The following FBXL2 variants were observed in gnomAD, a reference collection of about 807,000 sequenced individuals.
The protein encoded by FBXL2 is F-box/LRR-repeat protein 2.
Under a neutral mutation model 69.2 loss-of-function variants are expected in FBXL2, and 38 were observed. That is an observed-to-expected ratio of 0.55 (90% confidence interval 0.42 to 0.72). The LOEUF (loss-of-function observed/expected upper bound fraction) is 0.72. FBXL2 is among the 30% of genes least tolerant of loss of function. FBXL2 has a pLI of 0.00. For missense variants in FBXL2, 354 were observed against 520.3 expected, an observed-to-expected ratio of 0.68 and a Z score of 3.11; for synonymous variants, 192 against 201.3, an observed-to-expected ratio of 0.95 and a Z score of 0.39.
chr3:33,317,039 C>T (rs1575170112), intron 2 of FBXL2, among the ~76,000 whole-genome samples: 1 of 151,998 alleles, frequency 6.6e-6, no homozygotes, highest in South Asian at 2.1e-4. Flanking sequence ...GTAGATATGA[C>T]TACAGGTGCA....
chr3:33,365,050 C>T (rs531946980), intron 5 of FBXL2, among the ~76,000 whole-genome samples: 1 of 152,250 alleles, frequency 6.6e-6, no homozygotes, highest in Admixed American at 6.5e-5. Flanking sequence ...TTTTCTATTC[C>T]CTTCTTCACT....
chr3:33,338,837 A>G (rs910240264), intron 2 of FBXL2, among the ~76,000 whole-genome samples: 25 of 152,208 alleles, frequency 1.6e-4, no homozygotes, highest in Non-Finnish European at 2.5e-4. Flanking sequence ...AAGAAAACCT[A>G]GGAAATACCA....
intron 2 of FBXL2, among the ~76,000 whole-genome samples, chr3:33,349,456 C>T (rs1026860509): frequency 3.9e-5 from 6 of 152,136 alleles, no homozygotes; most frequent in African/African-American, 7.2e-5. Context: ...ATAACTCTCA[C>T]GTGTTCATGA....
the FBXL2 span, among the ~76,000 whole-genome samples, chr3:33,418,860 CAAAAAA>C: frequency 2.9e-4 from 22 of 76,770 alleles, no homozygotes; most frequent in African/African-American, 1.1e-3. Context: ...ACTCTGTCTC[CAAAAAA>C]AAAAAAAAAA....
chr3:33,418,294 C>A, the FBXL2 span, among the ~76,000 whole-genome samples: 244 of 152,136 alleles, frequency 1.6e-3, 7 homozygotes, highest in East Asian at 0.036. Context: ...CGTTCTGTCG[C>A]CCAGGCTGGA....
chr3:33,403,085 G>A, intron 12 of FBXL2: 9 of 568,546 alleles, frequency 1.6e-5, no homozygotes, highest in South Asian at 1.3e-4. Context: ...AGTTTTACCT[G>A]CTGTGTGCGT....
the FBXL2 span, among the ~76,000 whole-genome samples, chr3:33,413,009 G>A: frequency 1.3e-5 from 2 of 152,142 alleles, no homozygotes; most frequent in Non-Finnish European, 2.9e-5. Flanking sequence ...ATTATTTGGT[G>A]CAAAGAATTA....
downstream of FBXL2, among the ~76,000 whole-genome samples, chr3:33,404,226 C>G (rs1308397265): frequency 6.6e-6 from 1 of 152,178 alleles, no homozygotes; most frequent in Non-Finnish European, 1.5e-5. Flanking sequence ...TCCTGGCTAA[C>G]ATGGTGACAC....
At position 33,277,516 on chromosome 3, in the gene FBXL2, G is replaced by C; in HGVS notation, c.3+1G>C. 7.7e-7 allele frequency: 1 copy of C among 1,305,140 alleles called. No individual in the cohort carries two copies. 80.8% of individuals were successfully genotyped at this position (1,305,140 alleles called of 1,614,324 possible). Reference sequence around the variant, plus strand: ...GCTCGCTCGCGGCTCTTCGGCCATGGTGAGTCTGGGACCCGCGTCTGCCTA... The same window carrying C: ...GCTCGCTCGCGGCTCTTCGGCCATGCTGAGTCTGGGACCCGCGTCTGCCTA... On this transcript the variant is annotated splice_donor_variant, in intron 1 of 14. Coordinates refer to ENST00000484457, the MANE Select transcript of FBXL2 (RefSeq NM_012157.5). LOFTEE classifies it high-confidence loss of function.
Position 33,372,670 on chromosome 3 carries a change from T to A in FBXL2, c.291-422T>A, listed in dbSNP as rs151109808. 799 of 221,048 alleles carry A rather than the reference T, an allele frequency of 3.6e-3. 5 individuals carry two copies. The highest frequency in any genetic ancestry group is 5.2e-3 in the Non-Finnish European group (575 of 110,852). 13.7% of individuals were successfully genotyped at this position (221,048 alleles called of 1,614,324 possible). The stretch of plus-strand genomic sequence containing the variant: ...CCAGAAATGGTTTCTCTGGAAAGGC[T>A]CTAGGGTAAGCAAGTGACAGCATGG... On this transcript the variant is annotated intron_variant, in intron 5 of 14. Transcript: ENST00000484457.
At chr3:33,372,905 A>G (rs1479728184) in intron 5 of FBXL2, 187 bp from the exon 6 acceptor site, 1 of 628,046 alleles carries the variant, frequency 1.6e-6, no homozygotes, top group Non-Finnish European at 2.9e-6. Context: ...GTTTCTTTGA[A>G]CTGCAGACTG....
At chr3:33,292,011 T>C (rs910989554) in intron 1 of FBXL2, among the ~76,000 whole-genome samples, 28 of 152,194 alleles carry the variant, frequency 1.8e-4, no homozygotes, top group African/African-American at 2.2e-4. Context: ...TTGATGTTGC[T>C]ATATTAACAA....
intron 2 of FBXL2, chr3:33,303,258 T>C (rs1187784758): frequency 6.7e-6 from 3 of 444,654 alleles, no homozygotes; most frequent in African/African-American, 6.0e-5. Context: ...GTTGGTTTGC[T>C]CGCTCTCGTG....
downstream of FBXL2, among the ~76,000 whole-genome samples, chr3:33,408,017 T>C (rs957177641): frequency 3.9e-5 from 6 of 152,182 alleles, no homozygotes; most frequent in East Asian, 1.9e-4. Flanking sequence ...TGACTGCATA[T>C]TGGGGGCGGC....
At chr3:33,307,117 G>A (rs1185847501) in intron 2 of FBXL2, among the ~76,000 whole-genome samples, 1 of 151,954 alleles carries the variant, frequency 6.6e-6, no homozygotes, top group Non-Finnish European at 1.5e-5. Context: ...ATTACAAAAG[G>A]AAAAATGCTA....
chr3:33,328,554 G>A (rs1371597011), intron 2 of FBXL2, among the ~76,000 whole-genome samples: 1 of 152,072 alleles, frequency 6.6e-6, no homozygotes, highest in East Asian at 1.9e-4. Context: ...TGTACTTACA[G>A]CCAACTCATT....
downstream of FBXL2, chr3:33,388,727 C>CT (rs2043620096): frequency 6.6e-6 from 1 of 152,204 alleles, no homozygotes; most frequent in African/African-American, 2.4e-5. Flanking sequence ...GGAAAACTCT[C>CT]TGCCTATAGG....
At chr3:33,299,110 C>T (rs574754989) in intron 2 of FBXL2, among the ~76,000 whole-genome samples, 74 of 151,566 alleles carry the variant, frequency 4.9e-4, no homozygotes, top group African/African-American at 1.7e-3. Flanking sequence ...GGCATGATCT[C>T]GGCTCACCGC....
At chr3:33,374,478 G>A (rs751653031) in intron 9 of FBXL2, among the ~76,000 whole-genome samples, 4 of 152,146 alleles carry the variant, frequency 2.6e-5, no homozygotes, top group Non-Finnish European at 4.4e-5. Flanking sequence ...AGGTTTTCAA[G>A]GGGAACATAG....
Sources: gnomAD v4.1 joint callset for allele counts (sites outside exome capture counted in the v4.1 genomes callset) on GRCh38, gnomAD v4.1.1 for gene constraint, MANE v1.5 for transcripts, NCBI Gene and HGNC (gene_info 2026-07-23, HGNC 2026-07-21) for gene names.